The following TTC28 variants were observed in gnomAD, a reference collection of about 807,000 sequenced individuals.
The protein encoded by TTC28 is tetratricopeptide repeat domain 28.
In TTC28, 61 loss-of-function variants were observed where a neutral mutation model predicts 198.0. The ratio of observed to expected loss-of-function variants is 0.31; its 90% CI spans 0.25 to 0.38. The LOEUF (loss-of-function observed/expected upper bound fraction) is 0.38, where lower values mean the gene tolerates loss of function less well. Ranked by LOEUF, TTC28 falls within the 10% of genes least tolerant of loss-of-function variation. TTC28 has a pLI of 1.00. For missense variants in TTC28, 2,678 were observed against 3,164.0 expected, an observed-to-expected ratio of 0.85 and a Z score of 3.69; for synonymous variants, 1,171 against 1,297.8, an observed-to-expected ratio of 0.90 and a Z score of 2.10.
At chr22:28,597,108 C>T (rs1204587961) in intron 2 of TTC28, among the ~76,000 whole-genome samples, 1 of 152,078 alleles carries the variant, frequency 6.6e-6, no homozygotes, top group Non-Finnish European at 1.5e-5. Context: ...TTATCATTTG[C>T]TCATTCTAGG....
chr22:28,104,598 G>A (rs1942244597), intron 8 of TTC28, among the ~76,000 whole-genome samples: 1 of 152,116 alleles, frequency 6.6e-6, no homozygotes, highest in Non-Finnish European at 1.5e-5. Flanking sequence ...CATTGCTATG[G>A]GACTTCTGCT....
At chr22:28,146,614 C>A (rs1017372477) in intron 6 of TTC28, among the ~76,000 whole-genome samples, 1 of 152,202 alleles carries the variant, frequency 6.6e-6, no homozygotes, top group African/African-American at 2.4e-5. Context: ...TTTACTGAGT[C>A]ACAGAGCATA....
chr22:28,483,378 T>C (rs1040426864), intron 2 of TTC28, among the ~76,000 whole-genome samples: 1 of 152,112 alleles, frequency 6.6e-6, no homozygotes, highest in African/African-American at 2.4e-5. Context: ...AGGAAAGGCC[T>C]CTCTGAAACA....
chr22:28,075,098 TA>T (rs2146787558), intron 12 of TTC28, among the ~76,000 whole-genome samples: 1 of 151,826 alleles, frequency 6.6e-6, no homozygotes, highest in Admixed American at 6.6e-5. Flanking sequence ...AATAAATAAA[TA>T]AATAAATAAT....
At chr22:28,135,242 T>C (rs540001480) in intron 6 of TTC28, among the ~76,000 whole-genome samples, 44 of 152,330 alleles carry the variant, frequency 2.9e-4, no homozygotes, top group Admixed American at 1.2e-3. Flanking sequence ...TTGGCCTCTG[T>C]TGAGGGAACT....
intron 2 of TTC28, among the ~76,000 whole-genome samples, chr22:28,492,835 T>C (rs2048397582): frequency 6.6e-6 from 1 of 152,096 alleles, no homozygotes; most frequent in African/African-American, 2.4e-5. Context: ...CTCTAATGAA[T>C]AGTTGATTCC....
intron 9 of TTC28, among the ~76,000 whole-genome samples, chr22:28,099,563 T>C (rs1438652787): frequency 6.6e-6 from 1 of 152,186 alleles, no homozygotes; most frequent in East Asian, 1.9e-4. Flanking sequence ...AGGTAGGTCC[T>C]TGTGGACCTA....
At chr22:28,210,938 A>T (rs891992878) in intron 5 of TTC28, among the ~76,000 whole-genome samples, 5 of 152,328 alleles carry the variant, frequency 3.3e-5, no homozygotes, top group East Asian at 1.9e-4. Flanking sequence ...AGCTGATCTC[A>T]GGACAGAAAC....
intron 13 of TTC28, among the ~76,000 whole-genome samples, chr22:28,024,028 TTCCC>T (rs199724730): frequency 1.8e-4 from 28 of 152,146 alleles, no homozygotes; most frequent in Admixed American, 1.3e-3. Context: ...AGTTACTTAA[TTCCC>T]TCCCTCCCTC....
intron 2 of TTC28, among the ~76,000 whole-genome samples, chr22:28,370,649 CTT>C (rs1049161416): frequency 2.6e-5 from 4 of 152,026 alleles, no homozygotes; most frequent in South Asian, 2.1e-4. Context: ...AAAATTAAGA[CTT>C]ATCTCAGAAG....
At chr22:28,594,295 A>G (rs2050497631) in intron 2 of TTC28, among the ~76,000 whole-genome samples, 1 of 149,116 alleles carries the variant, frequency 6.7e-6, no homozygotes, top group South Asian at 2.1e-4. Flanking sequence ...TATATTATTT[A>G]TATTATTTAT....
chr22:28,609,794 G>A (rs920407180), intron 2 of TTC28, among the ~76,000 whole-genome samples: 1 of 152,184 alleles, frequency 6.6e-6, no homozygotes, highest in Non-Finnish European at 1.5e-5. Context: ...GTCTGGCTTG[G>A]TGGGTTCCAC....
chr22:28,633,407 C>A (rs1276609127), intron 1 of TTC28, among the ~76,000 whole-genome samples: 3 of 152,016 alleles, frequency 2.0e-5, no homozygotes, highest in African/African-American at 7.2e-5. Context: ...GGTGGGTGGA[C>A]TGTTTGAGCC....
At chr22:28,020,664 G>A (rs1569086877) in intron 13 of TTC28, among the ~76,000 whole-genome samples, 1 of 152,184 alleles carries the variant, frequency 6.6e-6, no homozygotes. Flanking sequence ...AGCAGTGCCT[G>A]CGAGCGAGGA....
chr22:28,313,857 G>A (rs977720967), intron 2 of TTC28, among the ~76,000 whole-genome samples: 3 of 152,154 alleles, frequency 2.0e-5, no homozygotes, highest in Non-Finnish European at 2.9e-5. Context: ...GGAAGTTCTC[G>A]CCAGGGCAAT....
intron 6 of TTC28, among the ~76,000 whole-genome samples, chr22:28,159,790 T>C (rs1031223822): frequency 2.0e-5 from 3 of 152,112 alleles, no homozygotes; most frequent in Non-Finnish European, 4.4e-5. Context: ...TTGTTCACAA[T>C]AGCTAAGCTT....
intron 2 of TTC28, among the ~76,000 whole-genome samples, chr22:28,582,463 C>G (rs1164854237): frequency 6.6e-6 from 1 of 152,060 alleles, no homozygotes; most frequent in African/African-American, 2.4e-5. Flanking sequence ...CTGTGTATTA[C>G]TTAAGGAGGA....
chr22:27,983,359 A>G lies in TTC28; in HGVS notation c.6308T>C (p.Ile2103Thr), dbSNP rs1937089690. 1 of 1,551,164 alleles carries G rather than the reference A, an allele frequency of 6.4e-7. No homozygotes were observed. The highest frequency in any genetic ancestry group is 1.4e-5 in the African/African-American group (1 of 72,956). The change falls in exon 23 of 23, where the codon ATC becomes ACC. Residue 2103 changes from isoleucine (I) to threonine (T), a missense_variant. Ile to Thr is a moderately conservative substitution (Grantham distance 89, BLOSUM62 -1). This residue lies in a region of TTC28 where 622 missense variants were observed against 656.0 expected (regional missense o/e 0.95). Transcript: ENST00000397906. ...MRVSVSSKGS[I>T]STPNSPVKMT... ...TTTCACTGGAGAATTTGGAGTGCTG[A>G]TGCTCCCTTTGGAGCTCACCGAGAC...
chr22:28,475,440 A>T (rs1355062273), intron 2 of TTC28, among the ~76,000 whole-genome samples: 4 of 152,108 alleles, frequency 2.6e-5, no homozygotes, highest in Non-Finnish European at 5.9e-5. Flanking sequence ...ACCCACACCG[A>T]CATGGGGAAA....
Sources: allele counts gnomAD v4.1 joint callset (sites outside exome capture counted in the v4.1 genomes callset), GRCh38; gene constraint gnomAD v4.1.1; regional missense constraint gnomAD v4.1.1; transcripts MANE v1.5; gene names NCBI Gene and HGNC (gene_info 2026-07-23, HGNC 2026-07-21).